The following MARK3 variants were observed in gnomAD, a reference collection of about 807,000 sequenced individuals.
MARK3 encodes the protein microtubule affinity regulating kinase 3, also known as MAP/microtubule affinity-regulating kinase 3.
In MARK3, 46 loss-of-function variants were observed where a neutral mutation model predicts 90.1. That is an observed-to-expected ratio of 0.51 (90% CI 0.40 to 0.65). The LOEUF (loss-of-function observed/expected upper bound fraction) is 0.65, where lower values mean the gene tolerates loss of function less well. MARK3 is among the 30% of genes least tolerant of loss of function. The pLI is 0.00. For missense variants in MARK3, 818 were observed against 947.2 expected (o/e 0.86, Z 1.79); for synonymous variants, 321 against 332.6 (o/e 0.97, Z 0.38).
chr14:103,502,446 G>A (rs2075723529), intron 17 of MARK3, among the ~76,000 whole-genome samples: 1 of 152,218 alleles, frequency 6.6e-6, no homozygotes, highest in South Asian at 2.1e-4. Flanking sequence ...GCCAGTTACA[G>A]TGATTCACAT....
At chr14:103,448,450 C>T (rs1389647492) in intron 3 of MARK3, among the ~76,000 whole-genome samples, 1 of 152,136 alleles carries the variant, frequency 6.6e-6, no homozygotes, top group Non-Finnish European at 1.5e-5. Flanking sequence ...GTGAGGATTT[C>T]TCAAGGTGGT....
chr14:103,408,111 A>T (rs1001251813), intron 2 of MARK3, among the ~76,000 whole-genome samples: 1 of 152,092 alleles, frequency 6.6e-6, no homozygotes, highest in African/African-American at 2.4e-5. Context: ...AAGATGACAG[A>T]ACTTAACACA....
At chr14:103,498,395 C>G in intron 15 of MARK3, 107 bp from the exon 16 acceptor site, 1 of 772,046 alleles carries the variant, frequency 1.3e-6, no homozygotes, top group South Asian at 2.3e-5. Context: ...AGAGAAGGAA[C>G]CCTGCTTTGT....
chr14:103,458,427 TC>T (rs2093323336), intron 6 of MARK3, among the ~76,000 whole-genome samples: 1 of 118,752 alleles, frequency 8.4e-6, no homozygotes, highest in South Asian at 3.0e-4. Flanking sequence ...CCATTGCACT[TC>T]AGCCTGGGTG....
chr14:103,470,646 G>A (rs558254287), intron 12 of MARK3, among the ~76,000 whole-genome samples: 49 of 151,366 alleles, frequency 3.2e-4, no homozygotes, highest in African/African-American at 1.1e-3. Flanking sequence ...AGTAGAGACG[G>A]GGTTTCACCA....
chr14:103,438,828 A>G (rs1390329536), intron 3 of MARK3, among the ~76,000 whole-genome samples: 1 of 152,122 alleles, frequency 6.6e-6, no homozygotes, highest in African/African-American at 2.4e-5. Flanking sequence ...CCCTGTCTCT[A>G]CATACAGAAA....
chr14:103,474,950 G>A, intron 12 of MARK3, 43 bp from the exon 13 acceptor site: 2 of 1,486,222 alleles, frequency 1.3e-6, no homozygotes, highest in Non-Finnish European at 1.9e-6. Flanking sequence ...AATAAAACTT[G>A]AAACTATATT....
At chr14:103,391,692 C>A (rs113135977) in intron 1 of MARK3, among the ~76,000 whole-genome samples, 1 of 147,360 alleles carries the variant, frequency 6.8e-6, no homozygotes, top group Non-Finnish European at 1.5e-5. Context: ...TACAGGCTCC[C>A]GCCACCATGC....
At chr14:103,393,477 T>C (rs1423499467) in intron 1 of MARK3, among the ~76,000 whole-genome samples, 2 of 152,146 alleles carry the variant, frequency 1.3e-5, no homozygotes, top group Admixed American at 1.3e-4. Context: ...AAAAAGTTGA[T>C]CTCTGAAGAA....
intron 14 of MARK3, among the ~76,000 whole-genome samples, chr14:103,486,434 G>T (rs1456512671): frequency 2.0e-5 from 3 of 151,782 alleles, no homozygotes; most frequent in Non-Finnish European, 2.9e-5. Context: ...GCCAGACCCA[G>T]TCTCAAAAAA....
At chr14:103,460,806 T>C (rs2093386813) in intron 6 of MARK3, among the ~76,000 whole-genome samples, 1 of 152,280 alleles carries the variant, frequency 6.6e-6, no homozygotes, top group Non-Finnish European at 1.5e-5. Context: ...GCTATGACTT[T>C]GTTTTGGGAA....
chr14:103,457,682 G>A (rs1055724233), intron 6 of MARK3, among the ~76,000 whole-genome samples: 34 of 152,080 alleles, frequency 2.2e-4, no homozygotes, highest in African/African-American at 8.2e-4. Flanking sequence ...TAATAAGCAG[G>A]TTTTAAGCAA....
intron 6 of MARK3, among the ~76,000 whole-genome samples, chr14:103,460,038 C>G (rs1464247919): frequency 4.5e-5 from 4 of 88,488 alleles, no homozygotes; most frequent in African/African-American, 1.3e-4. Flanking sequence ...TGAGCTCATT[C>G]TTTTCCAAGA....
chr14:103,423,651 C>G (rs145501497), intron 2 of MARK3, among the ~76,000 whole-genome samples: 244 of 152,310 alleles, frequency 1.6e-3, no homozygotes, highest in African/African-American at 5.6e-3. Context: ...GCTCTCCAGG[C>G]TCCAGCTCTG....
At chr14:103,471,590 C>T (rs1186991099) in intron 12 of MARK3, among the ~76,000 whole-genome samples, 1 of 152,156 alleles carries the variant, frequency 6.6e-6, no homozygotes, top group Non-Finnish European at 1.5e-5. Context: ...ATCCTCCTGC[C>T]TCGTCTCACC....
intron 3 of MARK3, among the ~76,000 whole-genome samples, chr14:103,433,516 A>G (rs1014421629): frequency 6.6e-6 from 1 of 152,028 alleles, no homozygotes; most frequent in African/African-American, 2.4e-5. Flanking sequence ...CAGCATGGTG[A>G]AACTGCATCT....
Position 103,385,956 on chromosome 14 carries a change from G to A in MARK3, c.-74G>A. On this transcript the variant is annotated 5_prime_UTR_variant, in exon 1 of 18. Transcript: ENST00000429436. ...TCGGAACTGCCGTGGACTCGAGGACGCTGGTCGCCGGCCTCCTAGGGCTGT... is the reference window on the plus strand; with the variant it reads ...TCGGAACTGCCGTGGACTCGAGGACACTGGTCGCCGGCCTCCTAGGGCTGT... The A allele has an allele frequency of 1.6e-6, 2 of 1,258,886 alleles. No individual in the cohort carries two copies. The highest frequency in any genetic ancestry group is 2.3e-6 in the Non-Finnish European group (2 of 857,374). The allele number at this position is 1,258,886 out of a possible 1,614,324, so 78.0% of individuals were successfully genotyped here. A position where few individuals can be genotyped will look rare whatever the true frequency, so the allele number is the denominator to read the frequency against.
intron 5 of MARK3, among the ~76,000 whole-genome samples, chr14:103,455,190 T>C (rs2093248119): frequency 6.6e-6 from 1 of 152,244 alleles, no homozygotes; most frequent in African/African-American, 2.4e-5. Context: ...TGTGTTACTC[T>C]ACAACAGCTG....
chr14:103,415,486 G>C (rs34479426), intron 2 of MARK3, among the ~76,000 whole-genome samples: 43,472 of 151,996 alleles, frequency 0.29, 7,307 homozygotes, highest in Non-Finnish European at 0.36. Flanking sequence ...TATTGTCCTG[G>C]AAGCATCTAT....
Sources: allele counts gnomAD v4.1 joint callset (sites outside exome capture counted in the v4.1 genomes callset), GRCh38; gene constraint gnomAD v4.1.1; transcripts MANE v1.5; gene names NCBI Gene and HGNC (gene_info 2026-07-23, HGNC 2026-07-21).